The following COL21A1 variants were observed in gnomAD, a reference collection of about 807,000 sequenced individuals.
The protein encoded by COL21A1 is collagen alpha-1(XXI) chain.
COL21A1 carries 149 observed loss-of-function variants against 137.9 expected under a neutral mutation model. That is an observed-to-expected ratio of 1.08 (90% CI 0.95 to 1.24). The LOEUF is 1.24. Ranked by LOEUF, COL21A1 falls within the 50% of genes most tolerant of loss-of-function variation. COL21A1 has a pLI of 0.00. For missense variants in COL21A1, 1,167 were observed against 1,158.4 expected, an observed-to-expected ratio of 1.01 and a Z score of -0.11; for synonymous variants, 456 against 391.5, an observed-to-expected ratio of 1.16 and a Z score of -1.95.
At chr6:56,114,305 G>C (rs902691018) in intron 16 of COL21A1, among the ~76,000 whole-genome samples, 3 of 152,182 alleles carry the variant, frequency 2.0e-5, no homozygotes, top group Non-Finnish European at 2.9e-5. Context: ...GCATAGTGGT[G>C]GTGGTTACAG....
At chr6:56,293,943 G>A (rs146696264) in intron 1 of COL21A1, among the ~76,000 whole-genome samples, 1 of 152,266 alleles carries the variant, frequency 6.6e-6, no homozygotes, top group East Asian at 1.9e-4. Flanking sequence ...GCTGAGATGC[G>A]CTAGCGCCTT....
Position 56,224,689 on chromosome 6 carries a change from C to T in COL21A1, c.-39+22698G>A, listed in dbSNP as rs111361177. ...AAACAAAAACATCGACATTATGGGC[C>T]GTTCTTTCTCTGATATTTCCCTGTT... On this transcript the variant is annotated intron_variant, in intron 1 of 29. Transcript: ENST00000244728. Among the ~76,000 whole-genome samples, 443 of 152,038 alleles carry T rather than the reference C, an allele frequency of 2.9e-3. 2 individuals carry two copies. The highest frequency in any genetic ancestry group is 4.4e-3 in the Non-Finnish European group (296 of 67,952).
intron 24 of COL21A1, among the ~76,000 whole-genome samples, chr6:56,062,650 C>T (rs561965814): frequency 2.0e-5 from 3 of 152,022 alleles, no homozygotes; most frequent in Non-Finnish European, 4.4e-5. Flanking sequence ...TCAAACATGG[C>T]TATCCAAATT....
intron 1 of COL21A1, among the ~76,000 whole-genome samples, chr6:56,295,242 A>C (rs1023595407): frequency 1.3e-5 from 2 of 151,964 alleles, no homozygotes; most frequent in African/African-American, 4.8e-5. Flanking sequence ...CCTTCGTCAA[A>C]GATCAGTTGA....
chr6:56,192,496 A>AC (rs1778753742), intron 1 of COL21A1, among the ~76,000 whole-genome samples: 1 of 151,736 alleles, frequency 6.6e-6, no homozygotes, highest in African/African-American at 2.4e-5. Context: ...TTACAAGAAA[A>AC]AAAAACAACC....
intron 10 of COL21A1, among the ~76,000 whole-genome samples, chr6:56,144,100 A>G (rs1278086403): frequency 6.6e-6 from 1 of 152,230 alleles, no homozygotes; most frequent in Non-Finnish European, 1.5e-5. Context: ...CTTTGGAATC[A>G]GATAGGCCTA....
At chr6:56,123,173 T>C (rs1289832775) in intron 16 of COL21A1, among the ~76,000 whole-genome samples, 2 of 152,222 alleles carry the variant, frequency 1.3e-5, no homozygotes, top group African/African-American at 2.4e-5. Flanking sequence ...TTCTAATAAA[T>C]ATCAATAAAA....
chr6:56,158,278 T>TC (rs1775935760), intron 9 of COL21A1, among the ~76,000 whole-genome samples: 1 of 137,286 alleles, frequency 7.3e-6, no homozygotes, highest in Admixed American at 7.2e-5. Flanking sequence ...TTTTTTTTTT[T>TC]TTTTTTTTTT....
intron 9 of COL21A1, among the ~76,000 whole-genome samples, chr6:56,162,995 C>T (rs962912149): frequency 3.3e-5 from 5 of 152,192 alleles, no homozygotes; most frequent in Non-Finnish European, 5.9e-5. Flanking sequence ...CAGAGATTTA[C>T]TTTGAATGAC....
intron 23 of COL21A1, among the ~76,000 whole-genome samples, chr6:56,066,184 A>G (rs1422611962): frequency 1.3e-5 from 2 of 151,912 alleles, no homozygotes; most frequent in Non-Finnish European, 2.9e-5. Context: ...CTCACTCCCA[A>G]CTTCAATCTT....
At chr6:56,384,283 A>G (rs2094013748) in intron 1 of COL21A1, among the ~76,000 whole-genome samples, 1 of 152,200 alleles carries the variant, frequency 6.6e-6, no homozygotes, top group Non-Finnish European at 1.5e-5. Context: ...CCTCCCTGGC[A>G]GGTCCTTCCA....
intron 1 of COL21A1, among the ~76,000 whole-genome samples, chr6:56,326,754 A>G (rs373239587): frequency 2.0e-5 from 3 of 152,174 alleles, no homozygotes; most frequent in South Asian, 4.1e-4. Context: ...CTTTAATAAA[A>G]TAACTTAATT....
At chr6:56,167,505 T>C (rs187618257) in intron 6 of COL21A1, among the ~76,000 whole-genome samples, 5 of 152,326 alleles carry the variant, frequency 3.3e-5, no homozygotes, top group Non-Finnish European at 5.9e-5. Context: ...AACACGTATA[T>C]GAAAATGACA....
chr6:56,067,475 C>CA (rs1474190077), intron 22 of COL21A1, 145 bp from the exon 23 acceptor site: 8 of 567,984 alleles, frequency 1.4e-5, no homozygotes, highest in Non-Finnish European at 2.1e-5. Flanking sequence ...ACTCCTAACA[C>CA]AATACTTGGG....
chr6:56,336,811 T>G (rs371423912), intron 1 of COL21A1, among the ~76,000 whole-genome samples: 1 of 152,234 alleles, frequency 6.6e-6, no homozygotes. Context: ...CAACCAAAAT[T>G]TTGGTCAGTG....
rs1213588521 is a variant in COL21A1 at position 56,116,369 on chromosome 6, T to C, written c.1758+7693A>G. ...TACAGGCCAGGAGAGAGTAGCATGA[T>C]GCATGACATTTTTTAAGTGCCAAAG... On this transcript the variant is annotated intron_variant, in intron 16 of 29. Coordinates refer to ENST00000244728, the MANE Select transcript of COL21A1 (RefSeq NM_030820.4). 4.7e-5 allele frequency among the ~76,000 whole-genome samples: 6 copies of C among 128,708 alleles called. No individual in the cohort carries two copies. The Admixed American group carries it at 5.6e-4, about 12-fold the overall frequency. 84.4% of individuals were successfully genotyped at this position (128,708 alleles called of 152,430 possible).
Position 56,170,672 on chromosome 6 carries a change from T to G in COL21A1, c.1003A>C (p.Thr335Pro), listed in dbSNP as rs1776962841. Residue 335 changes from threonine (T) to proline (P), a missense_variant, in exon 5 of 30, where the codon ACC (threonine) becomes CCC (proline). Thr to Pro is a conservative substitution (Grantham distance 38). Transcript: ENST00000244728. ...ACCTTAACTTGAGGGTTAGCAAAGG[T>G]AACCACTTGTGAGCCATTAATTACG... ...TSVINGSQVVTFANPQVKTLF... is the reference protein window; with the variant it reads ...TSVINGSQVVPFANPQVKTLF... 6.3e-7 allele frequency: 1 copy of G among 1,598,312 alleles called. No homozygotes were observed. Among genetic ancestry groups the G allele is most frequent in the South Asian group, 1.1e-5 (1 of 88,918 alleles).
chr6:56,197,642 A>C (rs1009473093), intron 1 of COL21A1, among the ~76,000 whole-genome samples: 4 of 152,188 alleles, frequency 2.6e-5, no homozygotes, highest in African/African-American at 9.6e-5. Context: ...GGGAAATGCA[A>C]ATCAAAGTAG....
At chr6:56,247,923 G>T (rs1280574989), upstream of COL21A1, among the ~76,000 whole-genome samples, 1 of 152,230 alleles carries the variant, frequency 6.6e-6, no homozygotes, top group East Asian at 1.9e-4. Flanking sequence ...AAGGAGGCCT[G>T]CCTCCCTTGC....
Sources: gnomAD v4.1 joint callset for allele counts (sites outside exome capture counted in the v4.1 genomes callset) on GRCh38, gnomAD v4.1.1 for gene constraint, MANE v1.5 for transcripts, NCBI Gene and HGNC (gene_info 2026-07-23, HGNC 2026-07-21) for gene names.